Variants in NRG3 observed in about 807,000 individuals in gnomAD.
The protein encoded by NRG3 is neuregulin 3.
A neutral mutation model predicts 66.9 loss-of-function variants in NRG3; 31 were observed. That is an observed-to-expected ratio of 0.46 (90% confidence interval 0.35 to 0.63). NRG3 has a LOEUF of 0.63. Ranked by LOEUF, NRG3 falls within the 20% of genes least tolerant of loss-of-function variation. NRG3 has a pLI of 0.00. For synonymous variants in NRG3, 393 were observed against 359.4 expected (o/e 1.09, Z -1.06); for missense variants, 910 against 878.9 (o/e 1.04, Z -0.45).
intron 1 of NRG3, among the ~76,000 whole-genome samples, chr10:82,339,760 C>T (rs1192216299): frequency 6.6e-6 from 1 of 151,884 alleles, no homozygotes; most frequent in Non-Finnish European, 1.5e-5. Context: ...CTTCTTGGTC[C>T]TTAACACTTT....
intron 2 of NRG3, among the ~76,000 whole-genome samples, chr10:82,469,464 T>C (rs778679064): frequency 1.5e-4 from 23 of 150,476 alleles, no homozygotes; most frequent in Admixed American, 1.4e-3. Context: ...TGCCTCTTAG[T>C]GGTGGTGGTG....
chr10:82,808,862 T>C (rs1020117287), intron 3 of NRG3, among the ~76,000 whole-genome samples: 5 of 152,188 alleles, frequency 3.3e-5, no homozygotes, highest in African/African-American at 1.2e-4. Flanking sequence ...ACACTAAAAT[T>C]ACGTGAATTT....
intron 1 of NRG3, among the ~76,000 whole-genome samples, chr10:82,000,535 A>C (rs1224498208): frequency 6.6e-6 from 1 of 152,192 alleles, no homozygotes; most frequent in African/African-American, 2.4e-5. Flanking sequence ...TCTTTCCATC[A>C]TAGCCCATGT....
intron 1 of NRG3, among the ~76,000 whole-genome samples, chr10:82,282,460 G>A (rs1180958039): frequency 6.6e-6 from 1 of 152,060 alleles, no homozygotes; most frequent in East Asian, 1.9e-4. Context: ...CTCTGCGTAG[G>A]ACTCAGGGCA....
chr10:82,478,113 T>C (rs1162980237), intron 2 of NRG3, among the ~76,000 whole-genome samples: 8 of 152,122 alleles, frequency 5.3e-5, no homozygotes, highest in South Asian at 4.1e-4. Flanking sequence ...CTACCATGGA[T>C]ACTAAGCTCT....
intron 2 of NRG3, among the ~76,000 whole-genome samples, chr10:82,530,444 C>T (rs937123989): frequency 2.6e-5 from 4 of 151,968 alleles, no homozygotes; most frequent in African/African-American, 9.7e-5. Context: ...TGGTGGCCCT[C>T]GTTTCTCTCT....
intron 1 of NRG3, among the ~76,000 whole-genome samples, chr10:81,944,949 C>G (rs557896976): frequency 1.3e-5 from 2 of 152,224 alleles, no homozygotes; most frequent in Admixed American, 6.6e-5. Context: ...CACCACTTCC[C>G]AGCACCAACC....
intron 2 of NRG3, among the ~76,000 whole-genome samples, chr10:82,679,159 T>C (rs1227257278): frequency 9.2e-5 from 14 of 152,204 alleles, no homozygotes; most frequent in Admixed American, 9.2e-4. Context: ...TTGTACATAG[T>C]AGATGCTCAG....
At chr10:82,201,142 G>A (rs1172428756) in intron 1 of NRG3, among the ~76,000 whole-genome samples, 1 of 147,396 alleles carries the variant, frequency 6.8e-6, no homozygotes, top group Non-Finnish European at 1.5e-5. Context: ...AGGTTGCGGT[G>A]AGCCAAGATC....
At chr10:82,219,373 C>T (rs1177097691) in intron 1 of NRG3, among the ~76,000 whole-genome samples, 1 of 150,956 alleles carries the variant, frequency 6.6e-6, no homozygotes, top group Non-Finnish European at 1.5e-5. Flanking sequence ...GTCATCCAAA[C>T]TCGAGATTCG....
chr10:82,360,672 C>T (rs2084075533), intron 2 of NRG3, among the ~76,000 whole-genome samples: 1 of 152,190 alleles, frequency 6.6e-6, no homozygotes, highest in Admixed American at 6.5e-5. Context: ...GTGCTACAGA[C>T]TGGGTGGCTT....
intron 3 of NRG3, among the ~76,000 whole-genome samples, chr10:82,839,445 T>G (rs982489925): frequency 6.6e-6 from 1 of 151,932 alleles, no homozygotes. Context: ...TCTCAATATA[T>G]GTTCATTTCA....
At chr10:81,963,125 C>CTTTTTTTTTTTTTTTTTTTTTTTT (rs777026850) in intron 1 of NRG3, among the ~76,000 whole-genome samples, 1 of 70,122 alleles carries the variant, frequency 1.4e-5, no homozygotes, top group African/African-American at 6.4e-5. Flanking sequence ...CACGAGGGCT[C>CTTTTTTTTTTTTTTTTTTTTTTTT]TTTTTTTTTT....
intron 3 of NRG3, among the ~76,000 whole-genome samples, chr10:82,825,412 C>T (rs528519358): frequency 1.3e-5 from 2 of 152,288 alleles, no homozygotes; most frequent in South Asian, 4.1e-4. Context: ...CCCAATAAAT[C>T]TCTTACACTA....
At chr10:82,282,983 C>T (rs1589583457) in intron 1 of NRG3, among the ~76,000 whole-genome samples, 1 of 152,094 alleles carries the variant, frequency 6.6e-6, no homozygotes, top group Non-Finnish European at 1.5e-5. Context: ...TCATCCCAAT[C>T]TCTTTGGTTT....
intron 3 of NRG3, among the ~76,000 whole-genome samples, chr10:82,863,504 C>T (rs896645627): frequency 3.9e-5 from 6 of 152,198 alleles, no homozygotes; most frequent in Non-Finnish European, 5.9e-5. Context: ...TATTTCTCCA[C>T]GTCCTCTCCA....
chr10:82,070,264 T>C (rs2064729711), intron 1 of NRG3, among the ~76,000 whole-genome samples: 1 of 152,070 alleles, frequency 6.6e-6, no homozygotes, highest in Admixed American at 6.5e-5. Context: ...GGGCCTTTCA[T>C]GAGTACCAGG....
At chr10:82,728,883 G>T (rs1033666914) in intron 2 of NRG3, among the ~76,000 whole-genome samples, 16 of 152,130 alleles carry the variant, frequency 1.1e-4, no homozygotes, top group Admixed American at 5.2e-4. Flanking sequence ...GTAGACAAAT[G>T]GGGGAGATAG....
At chr10:82,932,583 G>T (rs1847678348) in intron 4 of NRG3, among the ~76,000 whole-genome samples, 1 of 152,172 alleles carries the variant, frequency 6.6e-6, no homozygotes, top group Admixed American at 6.5e-5. Context: ...TCTGACTGGG[G>T]CTCTCTGTGG....
Sources: gnomAD v4.1 joint callset for allele counts (sites outside exome capture counted in the v4.1 genomes callset) on GRCh38, gnomAD v4.1.1 for gene constraint, MANE v1.5 for transcripts, NCBI Gene and HGNC (gene_info 2026-07-23, HGNC 2026-07-21) for gene names.